Variants in PHACTR2 observed in about 807,000 individuals in gnomAD.
The protein encoded by PHACTR2 is chromosome 6 open reading frame 56.
PHACTR2 carries 30 observed loss-of-function variants against 76.0 expected under a neutral mutation model. That is an observed-to-expected ratio of 0.39 (90% CI 0.30 to 0.54). The LOEUF is 0.54. Among genes scored for constraint, PHACTR2 ranks in the 20% least tolerant of loss-of-function variants. The probability of loss-of-function intolerance (pLI) is 0.61; values close to 1 mark genes in which losing one functional copy is unlikely to be tolerated. For synonymous variants in PHACTR2, 292 were observed against 292.5 expected (o/e 1.00, Z 0.02); for missense variants, 696 against 781.1 (o/e 0.89, Z 1.30).
chr6:143,803,560 A>C lies in PHACTR2; in HGVS notation c.1846-3497A>C, dbSNP rs1384391478. 6.6e-6 allele frequency among the ~76,000 whole-genome samples: 1 copy of C among 152,228 alleles called. No individual in the cohort carries two copies. The highest frequency in any genetic ancestry group is 1.5e-5 in the Non-Finnish European group (1 of 68,040). ...GAGACCCTGTCTCAAATAAATAAAA[A>C]TAAATAAATGAATATAAAAACTGTT... On this transcript the variant is annotated intron_variant, in intron 11 of 12. Transcript: ENST00000440869. This position sits in a 1 kb window ranked among gnomAD's most constrained non-coding sequence, Gnocchi z 4.7.
In PHACTR2 at chr6:143,619,812, A is replaced by G. The variant is rs1776120460; in HGVS notation, c.13+11490A>G. ...GCATTTTTAATAAGGGGATAAAAGG[A>G]AATATAGCCAGTCCCAAACTTTGAC... On this transcript the variant is annotated intron_variant, in intron 1 of 11. Coordinates refer to the PHACTR2 transcript ENST00000305766. This position sits in a 1 kb window ranked among gnomAD's most constrained non-coding sequence, Gnocchi z 4.5. Among the ~76,000 whole-genome samples, 4 of 152,210 alleles carry G rather than the reference A, an allele frequency of 2.6e-5. No individual in the cohort carries two copies. The South Asian group carries it at 8.3e-4, about 32-fold the overall frequency.
chr6:143,677,431 A>G (rs1451446668), upstream of PHACTR2, among the ~76,000 whole-genome samples: 1 of 152,220 alleles, frequency 6.6e-6, no homozygotes, highest in African/African-American at 2.4e-5. Flanking sequence ...TTTGAAATAA[A>G]GGAGAGGTCA....
At chr6:143,601,739 C>T (rs1729928765) in intron 1 of PHACTR2, among the ~76,000 whole-genome samples, 1 of 152,130 alleles carries the variant, frequency 6.6e-6, no homozygotes, top group South Asian at 2.1e-4. Flanking sequence ...TTTGTTTTTG[C>T]TCATTCTTCT....
rs1437253992 is a variant in PHACTR2 at position 143,543,574 on chromosome 6, ATC to A, written c.217+6371_217+6372del. On this transcript the variant is annotated intron_variant, in intron 1 of 11. Transcript: ENST00000367584. The surrounding 1 kb of genome is among the most constrained non-coding windows in gnomAD (Gnocchi z 4.7). ...TCTGGCAAGAGGTGAAACCTGGGCT[ATC>A]TCTATGCAAAAGGAGGAACTGAAAG... Among the ~76,000 whole-genome samples the A allele has an allele frequency of 6.6e-6, 1 of 152,242 alleles. No homozygotes were observed. Among genetic ancestry groups the A allele is most frequent in the African/African-American group, 2.4e-5 (1 of 41,464 alleles).
In PHACTR2 at chr6:143,621,380, G is replaced by A. The variant is rs1345595513; in HGVS notation, c.13+13058G>A. Among the ~76,000 whole-genome samples, 1 of 152,176 alleles carries A rather than the reference G, an allele frequency of 6.6e-6. No individual in the cohort carries two copies. The highest frequency in any genetic ancestry group is 1.5e-5 in the Non-Finnish European group (1 of 68,038). On this transcript the variant is annotated intron_variant, in intron 1 of 11. Coordinates refer to the PHACTR2 transcript ENST00000305766. This position sits in a 1 kb window ranked among gnomAD's most constrained non-coding sequence, Gnocchi z 4.1. Reference sequence around the variant, plus strand: ...CTCTCAGGCCTCCTCGGTGCAGAAGGGCAAATCCTTCCCATAGTTCCTGCC... The same window carrying A: ...CTCTCAGGCCTCCTCGGTGCAGAAGAGCAAATCCTTCCCATAGTTCCTGCC...
At chr6:143,670,232 C>CT (rs942224895) in intron 1 of PHACTR2, among the ~76,000 whole-genome samples, 5 of 152,180 alleles carry the variant, frequency 3.3e-5, no homozygotes, top group African/African-American at 1.2e-4. Context: ...TGATGGGCTT[C>CT]TTTTTGTGGG....
chr6:143,725,391 G>C (rs1255867223), intron 2 of PHACTR2, among the ~76,000 whole-genome samples: 1 of 149,752 alleles, frequency 6.7e-6, no homozygotes. Context: ...TAGTAGAGAC[G>C]GGGTTTCACC....
intron 2 of PHACTR2, among the ~76,000 whole-genome samples, chr6:143,712,516 T>C (rs574784268): frequency 5.4e-4 from 71 of 132,148 alleles, no homozygotes; most frequent in South Asian, 1.0e-3. Flanking sequence ...CAGGTATCCA[T>C]TTTTATATAC....
In PHACTR2 at chr6:143,688,772, A is replaced by G. The variant is rs1777576452; in HGVS notation, c.46+10563A>G. On this transcript the variant is annotated intron_variant, in intron 1 of 12. Coordinates refer to ENST00000440869, the MANE Select transcript of PHACTR2 (RefSeq NM_001100164.2). The surrounding 1 kb of genome is among the most constrained non-coding windows in gnomAD (Gnocchi z 5.2). ...GGCCATCCATTACATGGACAACTGC[A>G]GTAGATTCCAGCTGCTCTCCTGCTT... Among the ~76,000 whole-genome samples the G allele has an allele frequency of 6.6e-6, 1 of 152,192 alleles. No individual in the cohort carries two copies. Among genetic ancestry groups the G allele is most frequent in the Non-Finnish European group, 1.5e-5 (1 of 68,028 alleles).
At chr6:143,724,930 T>C (rs1481478153) in intron 2 of PHACTR2, among the ~76,000 whole-genome samples, 1 of 152,220 alleles carries the variant, frequency 6.6e-6, no homozygotes, top group Non-Finnish European at 1.5e-5. Context: ...TTCTTAGAAA[T>C]AGCTGTGGTG....
At chr6:143,704,973 C>T (rs931193622) in intron 1 of PHACTR2, among the ~76,000 whole-genome samples, 7 of 150,660 alleles carry the variant, frequency 4.6e-5, no homozygotes, top group African/African-American at 1.2e-4. Context: ...ACTACACACA[C>T]GCTCCACCAT....
chr6:143,676,868 CAT>C (rs1443333592), upstream of PHACTR2, among the ~76,000 whole-genome samples: 1 of 151,940 alleles, frequency 6.6e-6, no homozygotes, highest in Non-Finnish European at 1.5e-5. The surrounding 1 kb of genome is among the most constrained non-coding windows in gnomAD (Gnocchi z 4.8). Context: ...TGTGAAAAAA[CAT>C]AGGGCAACTT....
rs944028291 is a variant in PHACTR2, at chr6:143,599,345, C to T, written c.217+62138C>T. Among the ~76,000 whole-genome samples the T allele has an allele frequency of 6.6e-6, 1 of 152,172 alleles. No individual in the cohort carries two copies. The highest frequency in any genetic ancestry group is 1.5e-5 in the Non-Finnish European group (1 of 68,022). On this transcript the variant is annotated intron_variant, in intron 1 of 11. Transcript: ENST00000367584. This position sits in a 1 kb window ranked among gnomAD's most constrained non-coding sequence, Gnocchi z 4.6. ...ATTGATTCATGAGAGAAAAAAGTAA[C>T]ATGCTTTTTAGGCATTTTTAGGAAT... is the stretch of plus-strand genomic sequence containing the variant.
At chr6:143,661,838 T>G (rs1386071907) in intron 1 of PHACTR2, among the ~76,000 whole-genome samples, 1 of 152,150 alleles carries the variant, frequency 6.6e-6, no homozygotes, top group African/African-American at 2.4e-5. Context: ...ATTACAAGCA[T>G]GAGCCACTGC....
rs1251749704 is a variant in PHACTR2, at chr6:143,794,740, GCT to G, written c.1845+5831_1845+5832del. On this transcript the variant is annotated intron_variant, in intron 11 of 12. Transcript: ENST00000440869. The surrounding 1 kb of genome is among the most constrained non-coding windows in gnomAD (Gnocchi z 4.1). Reference sequence around the variant, plus strand: ...ACCCAGGAGACAGAAGTTGCAGTGAGCTAAGATTATGCCGCCGCACTCCAGCC... The same window carrying G: ...ACCCAGGAGACAGAAGTTGCAGTGAGAAGATTATGCCGCCGCACTCCAGCC... Among the ~76,000 whole-genome samples the G allele has an allele frequency of 6.6e-6, 1 of 152,154 alleles. No individual in the cohort carries two copies. The highest frequency in any genetic ancestry group is 1.5e-5 in the Non-Finnish European group (1 of 68,020).
intron 1 of PHACTR2, among the ~76,000 whole-genome samples, chr6:143,586,724 G>T (rs1178980859): frequency 6.6e-6 from 1 of 152,176 alleles, no homozygotes; most frequent in African/African-American, 2.4e-5. Flanking sequence ...TTGGGTCACT[G>T]CCATGAAAAG....
rs755005689 is a variant in PHACTR2 at position 143,698,715 on chromosome 6, A to C, written c.47-13301A>C. On this transcript the variant is annotated intron_variant, in intron 1 of 12. Coordinates refer to ENST00000440869, the MANE Select transcript of PHACTR2 (RefSeq NM_001100164.2). The surrounding 1 kb of genome is among the most constrained non-coding windows in gnomAD (Gnocchi z 4.3). ...GGTGGATGGTTGTTTGACTAATGTC[A>C]GCCTCTCTCATGGCCTGCAAGCCTC... 1.3e-5 allele frequency among the ~76,000 whole-genome samples: 2 copies of C among 152,208 alleles called. No individual in the cohort carries two copies. The highest frequency in any genetic ancestry group is 2.9e-5 in the Non-Finnish European group (2 of 68,040).
At chr6:143,799,302 G>A (rs1397831975) in intron 11 of PHACTR2, among the ~76,000 whole-genome samples, 1 of 152,158 alleles carries the variant, frequency 6.6e-6, no homozygotes, top group Non-Finnish European at 1.5e-5. Flanking sequence ...CTTGCTGGCA[G>A]TCTATCTATT....
At chr6:143,690,604 C>G (rs1777622285) in intron 1 of PHACTR2, among the ~76,000 whole-genome samples, 1 of 152,212 alleles carries the variant, frequency 6.6e-6, no homozygotes, top group Non-Finnish European at 1.5e-5. Context: ...ACACTGCCAT[C>G]CCTCCCAATT....
Sources: gnomAD v4.1 joint callset for allele counts (sites outside exome capture counted in the v4.1 genomes callset) on GRCh38, gnomAD v4.1.1 for gene constraint, Gnocchi (gnomAD v3.1) non-coding constraint, MANE v1.5 for transcripts, NCBI Gene and HGNC (gene_info 2026-07-23, HGNC 2026-07-21) for gene names.